Variants in KCNMA1 observed in about 807,000 individuals in gnomAD.
KCNMA1 encodes the protein Calcium-activated potassium channel subunit alpha-1.
Under a neutral mutation model 140.0 loss-of-function variants are expected in KCNMA1, and 29 were observed. The ratio of observed to expected loss-of-function variants is 0.21; its 90% confidence interval spans 0.15 to 0.28. The LOEUF (loss-of-function observed/expected upper bound fraction) is 0.28. Among genes scored for constraint, KCNMA1 ranks in the 10% least tolerant of loss-of-function variants. The pLI is 1.00. For synonymous variants in KCNMA1, 612 were observed against 611.9 expected, an observed-to-expected ratio of 1.00 and a Z score of 0.00; for missense variants, 880 against 1,602.2, an observed-to-expected ratio of 0.55 and a Z score of 7.70.
intron 1 of KCNMA1, among the ~76,000 whole-genome samples, chr10:77,474,210 G>A (rs2098228840): frequency 1.3e-5 from 2 of 152,230 alleles, no homozygotes; most frequent in South Asian, 4.1e-4. Context: ...ATGTGAGAGA[G>A]AGTGTTACGG....
chr10:77,121,890 G>A (rs1160750871), intron 5 of KCNMA1, among the ~76,000 whole-genome samples: 3 of 152,160 alleles, frequency 2.0e-5, no homozygotes, highest in Non-Finnish European at 1.5e-5. Flanking sequence ...ATCATGCAAG[G>A]GAATTACTTA....
At chr10:77,318,595 A>C (rs1028552846) in intron 2 of KCNMA1, among the ~76,000 whole-genome samples, 1 of 152,186 alleles carries the variant, frequency 6.6e-6, no homozygotes, top group Non-Finnish European at 1.5e-5. Flanking sequence ...TTGACATAGA[A>C]CCAAGCACCT....
intron 5 of KCNMA1, among the ~76,000 whole-genome samples, chr10:77,139,016 C>G (rs757293809): frequency 2.6e-5 from 4 of 152,324 alleles, no homozygotes; most frequent in Middle Eastern, 3.4e-3. Context: ...CCTCAGCAGA[C>G]TATCTGCTCT....
At chr10:77,629,525 C>A (rs1460252607) in intron 1 of KCNMA1, among the ~76,000 whole-genome samples, 1 of 152,172 alleles carries the variant, frequency 6.6e-6, no homozygotes, top group Non-Finnish European at 1.5e-5. Context: ...TCGTTCAGCC[C>A]CCAGCTAACT....
At chr10:77,280,888 T>C (rs1194130598) in intron 2 of KCNMA1, among the ~76,000 whole-genome samples, 1 of 152,186 alleles carries the variant, frequency 6.6e-6, no homozygotes, top group Non-Finnish European at 1.5e-5. Context: ...TAGAATAAAA[T>C]CTTTAACACA....
chr10:77,328,029 C>A (rs2084891540), intron 2 of KCNMA1, among the ~76,000 whole-genome samples: 1 of 152,156 alleles, frequency 6.6e-6, no homozygotes, highest in African/African-American at 2.4e-5. Flanking sequence ...CACAACGTGA[C>A]CTCAAGGTAA....
intron 14 of KCNMA1, among the ~76,000 whole-genome samples, chr10:77,070,893 G>A (rs2096178713): frequency 6.6e-6 from 1 of 152,156 alleles, no homozygotes; most frequent in Non-Finnish European, 1.5e-5. Context: ...AATATATGAG[G>A]GGAAGGCTTG....
intron 1 of KCNMA1, among the ~76,000 whole-genome samples, chr10:77,533,840 C>T (rs2058269906): frequency 6.6e-6 from 1 of 152,164 alleles, no homozygotes. Flanking sequence ...TGTTCCTTAC[C>T]ACCTCATGGC....
chr10:77,304,007 C>A (rs1229139256), intron 2 of KCNMA1, among the ~76,000 whole-genome samples: 1 of 152,192 alleles, frequency 6.6e-6, no homozygotes, highest in Non-Finnish European at 1.5e-5. Context: ...CAGATGTTTT[C>A]ATGCCTTGAC....
chr10:77,041,552 C>T (rs1223413572), intron 14 of KCNMA1, among the ~76,000 whole-genome samples: 3 of 152,172 alleles, frequency 2.0e-5, no homozygotes, highest in South Asian at 2.1e-4. Flanking sequence ...CTGCCTGCCT[C>T]GGCCTCCCAA....
At chr10:77,012,589 C>A in intron 17 of KCNMA1, 1 of 1,519,056 alleles carries the variant, frequency 6.6e-7, no homozygotes, top group South Asian at 1.2e-5. Flanking sequence ...AGCCACGAGT[C>A]AGTGGGTTCC....
At chr10:77,321,743 G>A (rs538280365) in intron 2 of KCNMA1, among the ~76,000 whole-genome samples, 23 of 151,112 alleles carry the variant, frequency 1.5e-4, no homozygotes, top group South Asian at 1.5e-3. Context: ...GTTTTGTTTT[G>A]TGTTTTTCTT....
chr10:77,277,927 T>C (rs1416579235), intron 2 of KCNMA1, among the ~76,000 whole-genome samples: 2 of 152,230 alleles, frequency 1.3e-5, no homozygotes, highest in Non-Finnish European at 2.9e-5. Flanking sequence ...ATGCTAGAGA[T>C]GTTTTCTTTC....
rs1214443465 is a variant in KCNMA1, at chr10:76,886,335, CT to C, written c.*930del. ...TCTGTACATAAGGTAAGTAATTCAC[CT>C]TTTAAAAGATGTAAAAGTCCCAGGA... is the stretch of plus-strand genomic sequence containing the variant. On this transcript the variant is annotated 3_prime_UTR_variant, in exon 28 of 28. Coordinates refer to ENST00000286628, the MANE Select transcript of KCNMA1 (RefSeq NM_001161352.2). 6.1e-6 allele frequency: 6 copies of C among 985,198 alleles called. No individual in the cohort carries two copies. The East Asian group carries it at 6.8e-4, about 112-fold the overall frequency. The allele number at this position is 985,198 out of a possible 1,614,324, so 61.0% of individuals were successfully genotyped here. A position where few individuals can be genotyped will look rare whatever the true frequency, so the allele number is the denominator to read the frequency against.
intron 17 of KCNMA1, among the ~76,000 whole-genome samples, chr10:77,014,433 CA>C (rs35030342): frequency 0.21 from 18,456 of 87,980 alleles, 1,033 homozygotes; most frequent in Middle Eastern, 0.36. Flanking sequence ...GACATTGTCT[CA>C]AAAAAAAAAA....
At chr10:77,183,715 G>A (rs1162835837) in intron 4 of KCNMA1, among the ~76,000 whole-genome samples, 183 bp from the exon 5 acceptor site, 3 of 152,174 alleles carry the variant, frequency 2.0e-5, no homozygotes, top group Non-Finnish European at 4.4e-5. Context: ...TCGAGCTCCT[G>A]ACATCAGGTG....
At chr10:77,628,674 C>T (rs1325732076) in intron 1 of KCNMA1, among the ~76,000 whole-genome samples, 15 of 151,896 alleles carry the variant, frequency 9.9e-5, no homozygotes, top group Non-Finnish European at 2.2e-4. Flanking sequence ...ATCTAAAATC[C>T]TATTTTTCCT....
chr10:77,495,284 T>C (rs1160842871), intron 1 of KCNMA1, among the ~76,000 whole-genome samples: 2 of 152,188 alleles, frequency 1.3e-5, no homozygotes, highest in Non-Finnish European at 2.9e-5. Flanking sequence ...AGCCCAGGCC[T>C]TTGTGGCCTC....
chr10:77,404,610 T>C (rs1029143082), intron 1 of KCNMA1, among the ~76,000 whole-genome samples: 1 of 152,254 alleles, frequency 6.6e-6, no homozygotes, highest in East Asian at 1.9e-4. Flanking sequence ...CTGTCTAAGA[T>C]TAGGGCATGC....
Sources: allele counts gnomAD v4.1 joint callset (sites outside exome capture counted in the v4.1 genomes callset), GRCh38; gene constraint gnomAD v4.1.1; transcripts MANE v1.5; gene names NCBI Gene and HGNC (gene_info 2026-07-23, HGNC 2026-07-21).